SLC15A1: variants seen among roughly 807,000 people sequenced by gnomAD.
The protein encoded by SLC15A1 is Caco-2 oligopeptide transporter.
Under a neutral mutation model 92.9 loss-of-function variants are expected in SLC15A1, and 83 were observed. The ratio of observed to expected loss-of-function variants is 0.89; its 90% CI spans 0.75 to 1.07. The LOEUF is 1.07. Among genes scored for constraint, SLC15A1 ranks in the 50% least tolerant of loss-of-function variants. The probability of loss-of-function intolerance (pLI) is 0.00; values close to 1 mark genes in which losing one functional copy is unlikely to be tolerated. For synonymous variants in SLC15A1, 322 were observed against 318.2 expected (o/e 1.01, Z -0.13); for missense variants, 857 against 880.1 (o/e 0.97, Z 0.33).
Position 98,724,123 on chromosome 13 carries a change from T to G in SLC15A1, c.246-92A>C, listed in dbSNP as rs932916133. On this transcript the variant is annotated intron_variant, in intron 4 of 22. Transcript: ENST00000376503. ...ACAAAAGACCCCCTCCTTGAAAGCT[T>G]TCAAGAGCCCAATCCTGAATACACT... The G allele has an allele frequency of 2.0e-6, 3 of 1,508,936 alleles. No homozygotes were observed. In the African/African-American group the frequency reaches 4.1e-5, roughly 21 times the overall value. The allele number at this position is 1,508,936 out of a possible 1,614,324, so 93.5% of individuals were successfully genotyped here.
At chr13:98,721,366 C>T (rs567915386) in intron 7 of SLC15A1, 129 bp downstream of exon 7, 121 of 735,934 alleles carry the variant, frequency 1.6e-4, no homozygotes, top group African/African-American at 2.1e-4. Flanking sequence ...CAGATTCCAA[C>T]GTGCATCCCA....
intron 14 of SLC15A1, 105 bp from the exon 15 acceptor site, chr13:98,708,872 A>C: frequency 4.3e-6 from 3 of 691,444 alleles, no homozygotes; most frequent in Non-Finnish European, 6.8e-6. Flanking sequence ...TCCTTCCAAA[A>C]ACATGGGCTT....
Position 98,726,211 on chromosome 13 carries a change from T to G in SLC15A1, c.157A>C (p.Thr53Pro), listed in dbSNP as rs1363362904. The change falls in exon 4 of 23, where the codon ACC (threonine) becomes CCC (proline). Residue 53 changes from threonine to proline, a missense_variant. By Grantham distance (38) the Thr-to-Pro change is conservative. Transcript: ENST00000376503. ...NFISWDDNLS[T>P]AIYHTFVALC... Reference sequence around the variant, plus strand: ...GCCACAAACGTATGGTAGATGGCGGTGGACAGGTTATCATCCCAGCTGATG... The same window carrying G: ...GCCACAAACGTATGGTAGATGGCGGGGGACAGGTTATCATCCCAGCTGATG... The G allele has an allele frequency of 1.9e-6, 3 of 1,613,664 alleles. No individual in the cohort carries two copies. Among genetic ancestry groups the G allele is most frequent in the Non-Finnish European group, 2.5e-6 (3 of 1,179,912 alleles).
At chr13:98,748,568 TAC>T (rs1327238600) in intron 1 of SLC15A1, among the ~76,000 whole-genome samples, 2 of 152,210 alleles carry the variant, frequency 1.3e-5, no homozygotes, top group Non-Finnish European at 2.9e-5. Context: ...ACGCTGAGAT[TAC>T]AGGCGTAAGC....
chr13:98,730,089 A>G (rs1264582338), intron 1 of SLC15A1, among the ~76,000 whole-genome samples: 2 of 151,430 alleles, frequency 1.3e-5, no homozygotes, highest in African/African-American at 2.4e-5. Flanking sequence ...CCAGCTACTC[A>G]GGAGGCTGAG....
At chr13:98,690,886 C>T (rs1324596653) in intron 18 of SLC15A1, among the ~76,000 whole-genome samples, 1 of 152,154 alleles carries the variant, frequency 6.6e-6, no homozygotes, top group Non-Finnish European at 1.5e-5. Flanking sequence ...CCTCCCTGGC[C>T]CCCTGGCAGC....
chr13:98,708,825 A>C, intron 14 of SLC15A1, 58 bp from the exon 15 acceptor site: 1 of 1,330,430 alleles, frequency 7.5e-7, no homozygotes, highest in African/African-American at 1.5e-5. Flanking sequence ...AGCTAAGCTA[A>C]ACCCCCACCC....
At position 98,688,515 on chromosome 13, in the gene SLC15A1, A is replaced by C; in HGVS notation, c.1529T>G (p.Ile510Ser). 14 of 1,614,132 alleles carry C rather than the reference A, an allele frequency of 8.7e-6. No homozygotes were observed. The highest frequency in any genetic ancestry group is 1.7e-4 in the Middle Eastern group (1 of 6,060). The change falls in exon 19 of 23, where the codon ATC (isoleucine) becomes AGC (serine). Residue 510 changes from isoleucine (I) to serine (S), a missense_variant. Coordinates refer to ENST00000376503, the MANE Select transcript of SLC15A1 (RefSeq NM_005073.4). ...GTATGTGCTGGCATTGTAGCTGCTGATGTTTGCATAAACTTTCCCACTCAT... is the reference window on the plus strand; with the variant it reads ...GTATGTGCTGGCATTGTAGCTGCTGCTGTTTGCATAAACTTTCCCACTCAT... ...ITMSGKVYAN[I>S]SSYNASTYQF...
intron 1 of SLC15A1, among the ~76,000 whole-genome samples, chr13:98,751,662 A>G (rs1251151485): frequency 3.9e-5 from 6 of 152,216 alleles, no homozygotes; most frequent in Non-Finnish European, 5.9e-5. Context: ...CTTAGGAACC[A>G]CCACATGCTG....
intron 1 of SLC15A1, among the ~76,000 whole-genome samples, chr13:98,745,250 G>C (rs1253899359): frequency 4.6e-5 from 7 of 152,140 alleles, no homozygotes; most frequent in Non-Finnish European, 8.8e-5. Context: ...GGAAGGAACT[G>C]GTCACCAGAC....
In SLC15A1 at chr13:98,709,927, A is replaced by G; in HGVS notation, c.901-16T>C. ...ACCTGGAGCCCTTAAAAATGAATACATTTGCTGTATTATTTGGGGATGTGG... is the reference window on the plus strand; with the variant it reads ...ACCTGGAGCCCTTAAAAATGAATACGTTTGCTGTATTATTTGGGGATGTGG... On this transcript the variant is annotated splice_polypyrimidine_tract_variant and intron_variant, in intron 11 of 22. Coordinates refer to ENST00000376503, the MANE Select transcript of SLC15A1 (RefSeq NM_005073.4). The G allele has an allele frequency of 6.2e-7, 1 of 1,613,916 alleles. No homozygotes were observed. The highest frequency in any genetic ancestry group is 8.5e-7 in the Non-Finnish European group (1 of 1,179,810).
At chr13:98,728,893 A>C (rs1297616301) in intron 1 of SLC15A1, among the ~76,000 whole-genome samples, 2 of 143,252 alleles carry the variant, frequency 1.4e-5, no homozygotes, top group Non-Finnish European at 3.0e-5. Context: ...AGGCAGGAGA[A>C]TTGCTAGGAC....
intron 17 of SLC15A1, among the ~76,000 whole-genome samples, chr13:98,703,025 T>C (rs2088081991): frequency 6.9e-6 from 1 of 145,216 alleles, no homozygotes; most frequent in Non-Finnish European, 1.5e-5. Context: ...GGGCCAGGCA[T>C]GGTGGTTCAT....
chr13:98,726,335 C>A, intron 3 of SLC15A1, 33 bp downstream of exon 3: 3 of 1,614,070 alleles, frequency 1.9e-6, no homozygotes, highest in African/African-American at 1.3e-5. Flanking sequence ...TCCCGCTCTT[C>A]CCTGAAGGGT....
At chr13:98,704,220 C>A in intron 17 of SLC15A1, 69 bp downstream of exon 17, 1 of 1,461,662 alleles carries the variant, frequency 6.8e-7, no homozygotes. Context: ...AACAAAGTCA[C>A]ACCATAAAAA....
Position 98,721,850 on chromosome 13 carries a change from T to C in SLC15A1, c.419A>G (p.Lys140Arg). Residue 140 changes from lysine to arginine, a missense_variant, in exon 6 of 23, where the codon AAA becomes AGA. By Grantham distance (26) the Lys-to-Arg change is conservative. Coordinates refer to ENST00000376503, the MANE Select transcript of SLC15A1 (RefSeq NM_005073.4). ...TCCACCAAACGCAGACACACAGGGT[T>C]TGATTCCTCCAGTCCCGAGAGCTAT... is the stretch of plus-strand genomic sequence containing the variant. ...ALIALGTGGI[K>R]PCVSAFGGDQ... 1 of 1,614,150 alleles carries C rather than the reference T, an allele frequency of 6.2e-7. No individual in the cohort carries two copies. The highest frequency in any genetic ancestry group is 8.5e-7 in the Non-Finnish European group (1 of 1,180,038).
intron 18 of SLC15A1, among the ~76,000 whole-genome samples, chr13:98,691,106 C>T (rs764000263): frequency 2.0e-4 from 31 of 151,934 alleles, no homozygotes; most frequent in East Asian, 7.8e-4. Context: ...TGCAGTGGTG[C>T]GATCTCGGCT....
chr13:98,694,625 GT>G (rs1849020031), intron 18 of SLC15A1, among the ~76,000 whole-genome samples: 1 of 152,182 alleles, frequency 6.6e-6, no homozygotes, highest in African/African-American at 2.4e-5. Context: ...TTTTGGCATT[GT>G]TTGGCAAAAT....
At chr13:98,740,475 C>A (rs764278836) in intron 1 of SLC15A1, among the ~76,000 whole-genome samples, 5 of 152,206 alleles carry the variant, frequency 3.3e-5, no homozygotes, top group Non-Finnish European at 7.3e-5. Flanking sequence ...TCCTCCACCC[C>A]AGCTGTCCAT....
Sources: gnomAD v4.1 joint callset for allele counts (sites outside exome capture counted in the v4.1 genomes callset) on GRCh38, gnomAD v4.1.1 for gene constraint, MANE v1.5 for transcripts, NCBI Gene and HGNC (gene_info 2026-07-23, HGNC 2026-07-21) for gene names.